Variants in THSD7A observed in about 807,000 individuals in gnomAD.
The protein encoded by THSD7A is thrombospondin type 1 domain containing 7A, also known as thrombospondin type-1 domain-containing protein 7A.
THSD7A carries 96 observed loss-of-function variants against 231.3 expected under a neutral mutation model. The observed-to-expected ratio is 0.41, with a 90% CI of 0.35 to 0.49. THSD7A has a LOEUF of 0.49. Ranked by LOEUF, THSD7A falls within the 20% of genes least tolerant of loss-of-function variation. The pLI is 0.05. For synonymous variants in THSD7A, 940 were observed against 743.3 expected (o/e 1.26, Z -4.30); for missense variants, 2,290 against 2,070.2 (o/e 1.11, Z -2.06).
At chr7:11,566,047 T>G (rs962801819) in intron 4 of THSD7A, among the ~76,000 whole-genome samples, 1 of 151,982 alleles carries the variant, frequency 6.6e-6, no homozygotes, top group African/African-American at 2.4e-5. Context: ...CAAGGCTCCT[T>G]AAAAAAATAG....
At chr7:11,802,767 T>C (rs1447642051) in intron 1 of THSD7A, among the ~76,000 whole-genome samples, 1 of 152,174 alleles carries the variant, frequency 6.6e-6, no homozygotes, top group African/African-American at 2.4e-5. Context: ...GTTTGTTAAA[T>C]ATTTCCACTA....
chr7:11,493,969 C>A (rs908506032), intron 6 of THSD7A, among the ~76,000 whole-genome samples: 1 of 152,024 alleles, frequency 6.6e-6, no homozygotes, highest in African/African-American at 2.4e-5. Flanking sequence ...CACACACACA[C>A]ATACACACAG....
rs1781678024 is a variant in THSD7A at position 11,632,116 on chromosome 7, AC to A, written c.1022+4013del. ...TCGTTATTACCATAGAGTATAATGC[AC>A]TTAATTATCTTGTGAAGTTAGCCTT... On this transcript the variant is annotated intron_variant, in intron 2 of 27. Transcript: ENST00000423059. This position sits in a 1 kb window ranked among gnomAD's most constrained non-coding sequence, Gnocchi z 4.1. Among the ~76,000 whole-genome samples, 1 of 152,110 alleles carries A rather than the reference AC, an allele frequency of 6.6e-6. No individual in the cohort carries two copies. The highest frequency in any genetic ancestry group is 2.1e-4 in the South Asian group (1 of 4,828).
At chr7:11,692,932 G>C (rs1254224193) in intron 1 of THSD7A, among the ~76,000 whole-genome samples, 1 of 151,452 alleles carries the variant, frequency 6.6e-6, no homozygotes, top group Non-Finnish European at 1.5e-5. Context: ...CTTCATTTAA[G>C]TCACTTATCT....
At chr7:11,828,033 G>A (rs995065737) in intron 1 of THSD7A, among the ~76,000 whole-genome samples, 5 of 152,132 alleles carry the variant, frequency 3.3e-5, no homozygotes, top group Non-Finnish European at 5.9e-5. Context: ...TTCTATTGTC[G>A]GAGTTCTGTT....
chr7:11,564,290 C>T (rs62434496), intron 4 of THSD7A, among the ~76,000 whole-genome samples: 2,304 of 152,248 alleles, frequency 0.015, 40 homozygotes, highest in East Asian at 0.04. Flanking sequence ...AGGGAGTTAT[C>T]ACGTGGACAC....
chr7:11,480,479 T>G (rs4141318), intron 7 of THSD7A, among the ~76,000 whole-genome samples: 21,218 of 152,172 alleles, frequency 0.14, 1,616 homozygotes, highest in Middle Eastern at 0.19. Flanking sequence ...TTTAAAGCCT[T>G]CATACAATCT....
chr7:11,473,958 G>A (rs1452727495), intron 8 of THSD7A, among the ~76,000 whole-genome samples: 2 of 152,220 alleles, frequency 1.3e-5, no homozygotes, highest in South Asian at 2.1e-4. Context: ...GGCAGCCTCC[G>A]TAGCCTACGG....
intron 4 of THSD7A, among the ~76,000 whole-genome samples, chr7:11,580,087 A>G (rs767887998): frequency 6.6e-6 from 1 of 152,186 alleles, no homozygotes; most frequent in Non-Finnish European, 1.5e-5. Flanking sequence ...TCTAAATCGC[A>G]TAAGCTTTGG....
intron 6 of THSD7A, among the ~76,000 whole-genome samples, chr7:11,530,014 G>C (rs1034135163): frequency 2.0e-5 from 3 of 152,124 alleles, no homozygotes; most frequent in Non-Finnish European, 4.4e-5. Context: ...AGGAAACGTA[G>C]TCACTGTGGA....
intron 1 of THSD7A, among the ~76,000 whole-genome samples, chr7:11,724,186 G>A (rs535237635): frequency 6.6e-6 from 1 of 151,984 alleles, no homozygotes; most frequent in Non-Finnish European, 1.5e-5. Context: ...TTTTGCCTAA[G>A]TACATAAAAG....
At chr7:11,689,812 A>T (rs902905694) in intron 1 of THSD7A, among the ~76,000 whole-genome samples, 28 of 54,554 alleles carry the variant, frequency 5.1e-4, no homozygotes, top group Non-Finnish European at 9.8e-4. Context: ...GGAATTAGTT[A>T]AAAAAAAAAA....
At chr7:11,804,425 T>G (rs1431084381) in intron 1 of THSD7A, among the ~76,000 whole-genome samples, 1 of 152,140 alleles carries the variant, frequency 6.6e-6, no homozygotes, top group African/African-American at 2.4e-5. Flanking sequence ...AAGTTATCAG[T>G]TTTCTATAAA....
chr7:11,383,228 G>T (rs1298553236), intron 23 of THSD7A, among the ~76,000 whole-genome samples: 1 of 151,786 alleles, frequency 6.6e-6, no homozygotes, highest in Non-Finnish European at 1.5e-5. Context: ...ATCCTATTCT[G>T]TGTAGCATTC....
intron 1 of THSD7A, among the ~76,000 whole-genome samples, chr7:11,669,000 T>C (rs1170821876): frequency 6.6e-6 from 1 of 152,192 alleles, no homozygotes; most frequent in Non-Finnish European, 1.5e-5. Flanking sequence ...TTACATGGTA[T>C]GGCTCTCAGC....
intron 4 of THSD7A, among the ~76,000 whole-genome samples, chr7:11,589,605 G>A (rs947254733): frequency 6.6e-6 from 1 of 152,084 alleles, no homozygotes; most frequent in Non-Finnish European, 1.5e-5. Flanking sequence ...ATCTGTATTG[G>A]TATTTCTATC....
At chr7:11,748,532 C>T (rs1401914651) in intron 1 of THSD7A, among the ~76,000 whole-genome samples, 2 of 151,860 alleles carry the variant, frequency 1.3e-5, no homozygotes, top group South Asian at 2.1e-4. Flanking sequence ...CTCAATATTT[C>T]GGTAATTTAA....
intron 27 of THSD7A, among the ~76,000 whole-genome samples, chr7:11,376,210 T>C (rs1424529835): frequency 6.6e-6 from 1 of 152,146 alleles, no homozygotes; most frequent in Non-Finnish European, 1.5e-5. Context: ...GCATAATTTA[T>C]AAATTATACA....
At chr7:11,711,366 TG>T (rs1780958633) in intron 1 of THSD7A, among the ~76,000 whole-genome samples, 1 of 150,990 alleles carries the variant, frequency 6.6e-6, no homozygotes, top group Non-Finnish European at 1.5e-5. Flanking sequence ...GTTGTGTCAA[TG>T]CCCCCAAGTT....
Sources: allele counts gnomAD v4.1 joint callset (sites outside exome capture counted in the v4.1 genomes callset), GRCh38; gene constraint gnomAD v4.1.1; non-coding constraint Gnocchi (gnomAD v3.1); transcripts MANE v1.5; gene names NCBI Gene and HGNC (gene_info 2026-07-23, HGNC 2026-07-21).